Variants in ACVR1B observed in about 807,000 individuals in gnomAD.
ACVR1B encodes activin A receptor type 1B, also known as activin receptor type-1B.
Under a neutral mutation model 55.6 loss-of-function variants are expected in ACVR1B, and 15 were observed. The observed-to-expected ratio is 0.27, with a 90% CI of 0.18 to 0.42. ACVR1B has a LOEUF of 0.42. Ranked by LOEUF, ACVR1B falls within the 10% of genes least tolerant of loss-of-function variation. The pLI, the probability that ACVR1B is intolerant of heterozygous loss-of-function variation, is 1.00. For missense variants in ACVR1B, 359 were observed against 670.1 expected, an observed-to-expected ratio of 0.54 and a Z score of 5.13; for synonymous variants, 247 against 254.6, an observed-to-expected ratio of 0.97 and a Z score of 0.28.
chr12:51,973,750 TC>T (rs1941792350), intron 1 of ACVR1B, among the ~76,000 whole-genome samples: 1 of 152,146 alleles, frequency 6.6e-6, no homozygotes, highest in Non-Finnish European at 1.5e-5. Context: ...TTGGAATTTC[TC>T]CCAGAAGAAA....
chr12:51,966,340 T>C (rs929156953), intron 1 of ACVR1B, among the ~76,000 whole-genome samples: 3 of 152,236 alleles, frequency 2.0e-5, no homozygotes, highest in African/African-American at 7.2e-5. Flanking sequence ...CTTCAACAGA[T>C]AACTTGCAAG....
At chr12:51,989,235 T>A (rs1450494949) in intron 7 of ACVR1B, among the ~76,000 whole-genome samples, 2 of 152,202 alleles carry the variant, frequency 1.3e-5, no homozygotes, top group African/African-American at 4.8e-5. Context: ...TTTTTTGTTT[T>A]GTTTTGTTTT....
intron 1 of ACVR1B, among the ~76,000 whole-genome samples, chr12:51,965,489 T>C (rs963284003): frequency 1.3e-5 from 2 of 152,188 alleles, no homozygotes; most frequent in African/African-American, 2.4e-5. Flanking sequence ...AACTTTGATG[T>C]ATTTGATTCA....
At position 51,982,923 on chromosome 12, in the gene ACVR1B, T is replaced by C. The variant is rs1288384690; in HGVS notation, c.812-1076T>C. ...CTTGTTAGCAGGGTCCTCAGGACTT[T>C]GGGGCTGGTTAGAGTGCGAGAAGCA... On this transcript the variant is annotated intron_variant, in intron 4 of 8. Coordinates refer to ENST00000257963, the MANE Select transcript of ACVR1B (RefSeq NM_004302.5). 4 of 1,110,808 alleles carry C rather than the reference T, an allele frequency of 3.6e-6. No homozygotes were observed. In the East Asian group the frequency reaches 9.4e-5, roughly 26 times the overall value. 68.8% of individuals were successfully genotyped at this position (1,110,808 alleles called of 1,614,324 possible).
chr12:51,993,640 G>A (rs937980646), intron 8 of ACVR1B, among the ~76,000 whole-genome samples: 1 of 151,916 alleles, frequency 6.6e-6, no homozygotes, highest in Non-Finnish European at 1.5e-5. Context: ...AGTGGTGTGT[G>A]CCTGTAGTCC....
At chr12:51,986,280 T>C (rs769454046) in intron 6 of ACVR1B, among the ~76,000 whole-genome samples, 18 of 152,316 alleles carry the variant, frequency 1.2e-4, no homozygotes, top group Middle Eastern at 6.8e-3. Flanking sequence ...TTTTTTGATA[T>C]GGAGTTTCGC....
In ACVR1B at chr12:51,994,147, G is replaced by A. The variant is rs1441793006; in HGVS notation, c.*37G>A. Reference sequence around the variant, plus strand: ...CTCCACACGGAGCTCCTGGCAGCGAGAACTACGCACAGCTGCCGCGTTGAG... The same window carrying A: ...CTCCACACGGAGCTCCTGGCAGCGAAAACTACGCACAGCTGCCGCGTTGAG... On this transcript the variant is annotated 3_prime_UTR_variant, in exon 9 of 9. Coordinates refer to ENST00000257963, the MANE Select transcript of ACVR1B (RefSeq NM_004302.5). The surrounding 1 kb of genome is among the most constrained non-coding windows in gnomAD (Gnocchi z 4.2). 1.9e-5 allele frequency: 30 copies of A among 1,608,302 alleles called. No individual in the cohort carries two copies. The East Asian group carries it at 6.7e-4, about 36-fold the overall frequency.
chr12:51,987,963 T>C (rs1219863804), intron 7 of ACVR1B, among the ~76,000 whole-genome samples: 2 of 152,234 alleles, frequency 1.3e-5, no homozygotes, highest in African/African-American at 4.8e-5. Context: ...CCCATAAGTA[T>C]ATACATCTAC....
In ACVR1B at chr12:51,967,059, T is replaced by C. The variant is rs868521036; in HGVS notation, c.92-8206T>C. Among the ~76,000 whole-genome samples, 18 of 150,584 alleles carry C rather than the reference T, an allele frequency of 1.2e-4. No homozygotes were observed. In the South Asian group the frequency reaches 2.5e-3, roughly 21 times the overall value. ...ATCGAGACCATCCTGGCTAACATGG[T>C]GAAACCCCGTCTCTACTACAAATAC... is the stretch of plus-strand genomic sequence containing the variant. On this transcript the variant is annotated intron_variant, in intron 1 of 8. Coordinates refer to ENST00000257963, the MANE Select transcript of ACVR1B (RefSeq NM_004302.5).
intron 3 of ACVR1B, among the ~76,000 whole-genome samples, chr12:51,977,338 C>T (rs993933351): frequency 1.4e-4 from 21 of 152,212 alleles, no homozygotes; most frequent in African/African-American, 4.6e-4. Flanking sequence ...TGCTCTGTTT[C>T]CCAGGCAGGA....
chr12:51,981,528 T>G (rs1941978494), intron 4 of ACVR1B, among the ~76,000 whole-genome samples: 3 of 152,166 alleles, frequency 2.0e-5, no homozygotes, highest in Admixed American at 2.0e-4. Flanking sequence ...CCCGTAAGCT[T>G]ATTTTGAAAA....
At position 51,955,625 on chromosome 12, in the gene ACVR1B, A is replaced by T. The variant is rs1852045282; in HGVS notation, c.91+3791A>T. ...TTGAAATCTCTATTGTTTACTGTTC[A>T]ATTTTTGCTCAGAGTAGCAGTGAAC... On this transcript the variant is annotated intron_variant, in intron 1 of 8. Coordinates refer to ENST00000257963, the MANE Select transcript of ACVR1B (RefSeq NM_004302.5). 3.9e-5 allele frequency among the ~76,000 whole-genome samples: 6 copies of T among 152,168 alleles called. No individual in the cohort carries two copies. In the South Asian group the frequency reaches 1.2e-3, roughly 31 times the overall value.
At chr12:51,958,664 A>G (rs1404858518) in intron 1 of ACVR1B, among the ~76,000 whole-genome samples, 1 of 151,988 alleles carries the variant, frequency 6.6e-6, no homozygotes, top group Non-Finnish European at 1.5e-5. Flanking sequence ...AAAAAAGAAA[A>G]GAAAGATCAT....
intron 3 of ACVR1B, among the ~76,000 whole-genome samples, chr12:51,978,367 G>A (rs948003100): frequency 2.6e-5 from 4 of 152,178 alleles, no homozygotes; most frequent in East Asian, 1.9e-4. Context: ...TTCCCTCTGA[G>A]TGGTTTAGTA....
At chr12:51,982,030 G>A (rs922067513) in intron 4 of ACVR1B, among the ~76,000 whole-genome samples, 9 of 152,144 alleles carry the variant, frequency 5.9e-5, no homozygotes, top group Admixed American at 3.9e-4. Flanking sequence ...TTTAGTTTTT[G>A]AATCTCTTAT....
intron 3 of ACVR1B, among the ~76,000 whole-genome samples, chr12:51,979,674 G>A (rs923632188): frequency 1.3e-5 from 2 of 152,174 alleles, no homozygotes; most frequent in African/African-American, 4.8e-5. Flanking sequence ...GGCTGCCCCA[G>A]GTGTACAGGA....
At chr12:51,977,637 AT>A (rs1454745635) in intron 3 of ACVR1B, among the ~76,000 whole-genome samples, 1 of 127,058 alleles carries the variant, frequency 7.9e-6, no homozygotes, top group Non-Finnish European at 1.6e-5. Context: ...TTGTTTTAAG[AT>A]ATGGTCTCGC....
At chr12:51,961,441 T>TA (rs1480240779) in intron 1 of ACVR1B, among the ~76,000 whole-genome samples, 3 of 152,244 alleles carry the variant, frequency 2.0e-5, no homozygotes, top group Non-Finnish European at 4.4e-5. Context: ...ATTTGTGAGT[T>TA]ACTTGGAACA....
chr12:51,958,832 G>T (rs1406714797), intron 1 of ACVR1B, among the ~76,000 whole-genome samples: 1 of 152,198 alleles, frequency 6.6e-6, no homozygotes, highest in Non-Finnish European at 1.5e-5. Context: ...CTTACCTCCT[G>T]CTGTGTGGCC....
Sources: allele counts gnomAD v4.1 joint callset (sites outside exome capture counted in the v4.1 genomes callset), GRCh38; gene constraint gnomAD v4.1.1; non-coding constraint Gnocchi (gnomAD v3.1); transcripts MANE v1.5; gene names NCBI Gene and HGNC (gene_info 2026-07-23, HGNC 2026-07-21).